Variants in MAP3K15 observed in about 807,000 individuals in gnomAD.
The protein encoded by MAP3K15 is MAPK/ERK kinase kinase 15.
In MAP3K15, 124 loss-of-function variants were observed where a neutral mutation model predicts 99.5. The ratio of observed to expected loss-of-function variants is 1.25; its 90% confidence interval spans 1.08 to 1.45. The LOEUF is 1.45. Among genes scored for constraint, MAP3K15 ranks in the 40% most tolerant of loss-of-function variants. The probability of loss-of-function intolerance (pLI) is 0.00; values close to 1 mark genes in which losing one functional copy is unlikely to be tolerated. For synonymous variants in MAP3K15, 494 were observed against 439.6 expected (o/e 1.12, Z -1.55); for missense variants, 1,242 against 1,079.7 (o/e 1.15, Z -2.11).
At chrX:19,488,569 T>C (rs1237062589) in intron 2 of MAP3K15, among the ~76,000 whole-genome samples, 2 of 111,435 alleles carry the variant, frequency 1.8e-5, no homozygotes, top group Non-Finnish European at 3.8e-5. Context: ...CAATGGAAAC[T>C]AATAGGAGTG....
Position 19,400,557 on chromosome X carries a change from T to C in MAP3K15, c.1932+19A>G. 1 of 1,116,051 alleles carries C rather than the reference T, an allele frequency of 9.0e-7. No homozygotes were observed. The highest frequency in any genetic ancestry group is 1.2e-6 in the Non-Finnish European group (1 of 815,494). The allele number at this position is 1,116,051 out of a possible 1,213,427, so 92.0% of individuals were successfully genotyped here. On this transcript the variant is annotated intron_variant, in intron 14 of 28. Transcript: ENST00000338883. ...CACACAATCAATGTTTTCCATATTC[T>C]AGATCGTCCATGACTCACCTCCAAG...
intron 9 of MAP3K15, among the ~76,000 whole-genome samples, chrX:19,422,075 C>A (rs2063792114): frequency 9.1e-6 from 1 of 110,312 alleles, no homozygotes; most frequent in Non-Finnish European, 1.9e-5. Context: ...ACCATAAAAA[C>A]CCTAGAAGAA....
intron 9 of MAP3K15, among the ~76,000 whole-genome samples, chrX:19,416,845 T>A (rs1183449805): frequency 8.9e-6 from 1 of 112,339 alleles, no homozygotes; most frequent in Non-Finnish European, 1.9e-5. Flanking sequence ...ACTGAGCCCC[T>A]AACTCCCACA....
chrX:19,431,738 G>A (rs2063884521), intron 6 of MAP3K15, 130 bp from the exon 7 acceptor site: 2 of 467,925 alleles, frequency 4.3e-6, no homozygotes, highest in African/African-American at 4.9e-5. Context: ...TTGAGGTCAG[G>A]AGTTCAACAC....
chrX:19,512,097 T>C (rs2064523005), intron 1 of MAP3K15, among the ~76,000 whole-genome samples: 1 of 110,938 alleles, frequency 9.0e-6, no homozygotes, highest in Non-Finnish European at 1.9e-5. Context: ...ATGTTCTCAC[T>C]CATAAGTGGG....
At chrX:19,470,831 T>C (rs2064203546) in intron 3 of MAP3K15, among the ~76,000 whole-genome samples, 2 of 112,084 alleles carry the variant, frequency 1.8e-5, no homozygotes, top group African/African-American at 3.2e-5. Context: ...ATATTAAATG[T>C]AGCAGACAAT....
chrX:19,485,308 CAAAAAAAAAAA>C (rs368987947), intron 3 of MAP3K15, among the ~76,000 whole-genome samples: 6 of 7,936 alleles, frequency 7.6e-4, no homozygotes, highest in East Asian at 3.1e-3. Flanking sequence ...GACTCTGTCT[CAAAAAAAAAAA>C]AAAAAAAAAA....
chrX:19,465,584 TAAAAAAAA>T (rs1355164035), intron 3 of MAP3K15, among the ~76,000 whole-genome samples: 1 of 82,814 alleles, frequency 1.2e-5, no homozygotes, highest in South Asian at 6.8e-4. Context: ...CATCTCTACT[TAAAAAAAA>T]AAAAAAAAAA....
chrX:19,389,321 A>G (rs934426593), intron 18 of MAP3K15, among the ~76,000 whole-genome samples: 4 of 106,206 alleles, frequency 3.8e-5, no homozygotes, highest in African/African-American at 1.4e-4. Flanking sequence ...AAAAAAAAAA[A>G]GGCAGGGCTG....
Position 19,360,720 on chromosome X carries a change from A to ACACTCTGCCACAGCTT in MAP3K15, c.*13_*28dup, listed in dbSNP as rs1195731122. 1 of 1,112,495 alleles carries ACACTCTGCCACAGCTT rather than the reference A, an allele frequency of 9.0e-7. No individual in the cohort carries two copies. The highest frequency in any genetic ancestry group is 1.2e-6 in the Non-Finnish European group (1 of 809,491). The allele number at this position is 1,112,495 out of a possible 1,213,427, so 91.7% of individuals were successfully genotyped here. On this transcript the variant is annotated 3_prime_UTR_variant, in exon 29 of 29. Transcript: ENST00000338883. ...TTAACAAAACATGTAGCGTGGTGGG[A>ACACTCTGCCACAGCTT]CACTCTGCCACAGCTTAGCTGATTG...
At position 19,360,921 on chromosome X, in the gene MAP3K15, A is replaced by AAAT. The variant is rs2063277426; in HGVS notation, c.3858-91_3858-89dup. The AAAT allele has an allele frequency of 3.2e-5, 22 of 682,923 alleles. No homozygotes were observed. The South Asian group carries it at 5.9e-4, about 18-fold the overall frequency. The allele number at this position is 682,923 out of a possible 1,213,427, so 56.3% of individuals were successfully genotyped here. Reference sequence around the variant, plus strand: ...AGTCCCTAATTTAAAAACCTAATGAAAATAAAAACATTCTCCTCACATATG... The same window carrying AAAT: ...AGTCCCTAATTTAAAAACCTAATGAAAATAATAAAAACATTCTCCTCACATATG... On this transcript the variant is annotated intron_variant, in intron 28 of 28. Coordinates refer to ENST00000338883, the MANE Select transcript of MAP3K15 (RefSeq NM_001001671.4).
At chrX:19,398,465 T>A in intron 14 of MAP3K15, 106 bp from the exon 15 acceptor site, 1 of 887,324 alleles carries the variant, frequency 1.1e-6, no homozygotes, top group Non-Finnish European at 1.6e-6. Flanking sequence ...TAAATAACAT[T>A]ATTTGACTGT....
At chrX:19,375,538 C>A (rs1401392130) in intron 19 of MAP3K15, among the ~76,000 whole-genome samples, 1 of 112,438 alleles carries the variant, frequency 8.9e-6, no homozygotes, top group Non-Finnish European at 1.9e-5. Context: ...TCCTTCATAA[C>A]TGTTCCCAGT....
At position 19,492,057 on chromosome X, in the gene MAP3K15, T is replaced by G. The variant is rs1277451763; in HGVS notation, c.362-3090A>C. Among the ~76,000 whole-genome samples the G allele has an allele frequency of 1.6e-4, 17 of 108,565 alleles. No individual in the cohort carries two copies. In the Admixed American group the frequency reaches 1.7e-3, roughly 11 times the overall value. The allele number at this position is 108,565 out of a possible 115,157, so 94.3% of individuals were successfully genotyped here. ...CCAGGGTGGTCTTGAACTCCTGGGC[T>G]CAGGCAATCCTCCCACCTCGGCCTC... On this transcript the variant is annotated intron_variant, in intron 1 of 28. Coordinates refer to ENST00000338883, the MANE Select transcript of MAP3K15 (RefSeq NM_001001671.4).
chrX:19,423,401 G>C (rs2063803179), intron 9 of MAP3K15, among the ~76,000 whole-genome samples: 1 of 99,915 alleles, frequency 1.0e-5, no homozygotes, highest in Non-Finnish European at 2.0e-5. Flanking sequence ...ATTAGAATCT[G>C]ACTAGGTAGA....
rs756368352 is a variant in MAP3K15, at chrX:19,436,154, CAAA to C, written c.996-4549_996-4547del. 2.9e-4 allele frequency among the ~76,000 whole-genome samples: 15 copies of C among 52,281 alleles called. 1 individual carries two copies. In the South Asian group the frequency reaches 4.4e-3, roughly 15 times the overall value. 45.4% of individuals were successfully genotyped at this position (52,281 alleles called of 115,157 possible). ...GGGCAACAAGAGGGAAACGCCATGTCAAAAAAAAAAAAAAGAAAGAAAGAAAAA... is the reference window on the plus strand; with the variant it reads ...GGGCAACAAGAGGGAAACGCCATGTCAAAAAAAAAAAGAAAGAAAGAAAAA... On this transcript the variant is annotated intron_variant, in intron 6 of 28. Coordinates refer to ENST00000338883, the MANE Select transcript of MAP3K15 (RefSeq NM_001001671.4).
At chrX:19,501,788 G>T (rs1034352597) in intron 1 of MAP3K15, among the ~76,000 whole-genome samples, 3 of 112,218 alleles carry the variant, frequency 2.7e-5, no homozygotes, top group Non-Finnish European at 5.6e-5. Flanking sequence ...TTTAAGGGCT[G>T]GGTGCGGTGC....
chrX:19,480,368 C>G (rs2064279827), intron 3 of MAP3K15, among the ~76,000 whole-genome samples: 1 of 111,119 alleles, frequency 9.0e-6, no homozygotes, highest in South Asian at 3.8e-4. Flanking sequence ...ATTCGCACTT[C>G]CAAATTTCAA....
At chrX:19,471,918 C>T (rs1321517225) in intron 3 of MAP3K15, among the ~76,000 whole-genome samples, 1 of 111,411 alleles carries the variant, frequency 9.0e-6, no homozygotes, top group Non-Finnish European at 1.9e-5. Flanking sequence ...GCTAGCAGAC[C>T]CATCTTACAA....
Sources: gnomAD v4.1 joint callset for allele counts (sites outside exome capture counted in the v4.1 genomes callset) on GRCh38, gnomAD v4.1.1 for gene constraint, MANE v1.5 for transcripts, NCBI Gene and HGNC (gene_info 2026-07-23, HGNC 2026-07-21) for gene names.